GUCY1A1: variants seen among roughly 807,000 people sequenced by gnomAD.
The protein encoded by GUCY1A1 is guanylate cyclase 1 soluble subunit alpha 1, also known as guanylate cyclase soluble subunit alpha-1.
GUCY1A1 carries 48 observed loss-of-function variants against 64.5 expected under a neutral mutation model. That is an observed-to-expected ratio of 0.74 (90% CI 0.59 to 0.95). GUCY1A1 has a LOEUF of 0.95. Ranked by LOEUF, GUCY1A1 falls within the 40% of genes least tolerant of loss-of-function variation. The pLI is 0.00. For missense variants in GUCY1A1, 804 were observed against 825.3 expected, an observed-to-expected ratio of 0.97 and a Z score of 0.32; for synonymous variants, 308 against 303.4, an observed-to-expected ratio of 1.02 and a Z score of -0.16.
chr4:155,687,454 T>TCTGTTA (rs1220680373), intron 2 of GUCY1A1, among the ~76,000 whole-genome samples: 1 of 152,180 alleles, frequency 6.6e-6, no homozygotes, highest in Middle Eastern at 3.2e-3. Flanking sequence ...TTAATTTGAA[T>TCTGTTA]CTGTTACATC....
intron 4 of GUCY1A1, 105 bp from the exon 5 acceptor site, chr4:155,708,131 C>G (rs1379781485): frequency 4.7e-6 from 3 of 637,792 alleles, no homozygotes; most frequent in Non-Finnish European, 8.4e-6. Context: ...GCCGCTGTGC[C>G]TGGCCTAATT....
chr4:155,704,255 T>C (rs1263516790), intron 4 of GUCY1A1, among the ~76,000 whole-genome samples: 1 of 152,242 alleles, frequency 6.6e-6, no homozygotes, highest in Non-Finnish European at 1.5e-5. Flanking sequence ...GGTTCGAGCC[T>C]GGGTTTTTCA....
chr4:155,709,989 G>C (rs1469050946), intron 5 of GUCY1A1, among the ~76,000 whole-genome samples: 4 of 152,164 alleles, frequency 2.6e-5, no homozygotes, highest in Non-Finnish European at 5.9e-5. Context: ...GCTATAGAAA[G>C]TAAATTATAT....
intron 6 of GUCY1A1, among the ~76,000 whole-genome samples, chr4:155,711,638 T>C (rs1477654413): frequency 6.6e-6 from 1 of 152,226 alleles, no homozygotes; most frequent in Admixed American, 6.5e-5. Context: ...AAATGGATTT[T>C]TAATCAACAT....
chr4:155,720,376 T>TATCTATCTATC (rs1304616512), intron 8 of GUCY1A1, among the ~76,000 whole-genome samples: 2 of 143,724 alleles, frequency 1.4e-5, no homozygotes, highest in East Asian at 4.1e-4. Context: ...TCTATCTATC[T>TATCTATCTATC]ATCACTTGCT....
At chr4:155,715,665 T>C (rs1359959994) in intron 7 of GUCY1A1, among the ~76,000 whole-genome samples, 1 of 152,186 alleles carries the variant, frequency 6.6e-6, no homozygotes, top group East Asian at 1.9e-4. Flanking sequence ...CTTCTTCTAA[T>C]TAGCCTATTT....
chr4:155,722,238 T>C, intron 9 of GUCY1A1, 46 bp downstream of exon 9: 1 of 1,585,534 alleles, frequency 6.3e-7, no homozygotes. Flanking sequence ...TTTATTTATA[T>C]ACAATTGCCA....
intron 2 of GUCY1A1, among the ~76,000 whole-genome samples, chr4:155,694,674 T>C (rs945703628): frequency 6.6e-6 from 1 of 152,160 alleles, no homozygotes; most frequent in African/African-American, 2.4e-5. Context: ...ACTGCAATGG[T>C]AGGGTTGAAT....
rs116657965 is a variant in GUCY1A1, at chr4:155,692,731, C to A, written c.-112-4025C>A. ...TGATATTGTTACATGTCTACATGAT[C>A]TTGTTACATGTAGTAAACAAGATGT... On this transcript the variant is annotated intron_variant, in intron 2 of 9. Coordinates refer to ENST00000506455, the MANE Select transcript of GUCY1A1 (RefSeq NM_001130682.3). Among the ~76,000 whole-genome samples, 1,366 of 152,260 alleles carry A rather than the reference C, an allele frequency of 9.0e-3. 18 individuals carry two copies. The highest frequency in any genetic ancestry group is 0.031 in the African/African-American group (1,281 of 41,550).
rs1168271357 is a variant in GUCY1A1 at position 155,732,437 on chromosome 4, C to T, written c.*2206C>T. On this transcript the variant is annotated 3_prime_UTR_variant, in exon 10 of 10. Coordinates refer to ENST00000506455, the MANE Select transcript of GUCY1A1 (RefSeq NM_001130682.3). ...AAATACAGAATAATTTGTGGATCTTCAAAGAGGATGAACATACATTTCCAT... is the reference window on the plus strand; with the variant it reads ...AAATACAGAATAATTTGTGGATCTTTAAAGAGGATGAACATACATTTCCAT... The T allele has an allele frequency of 7.0e-6, 1 of 142,032 alleles. No homozygotes were observed. The highest frequency in any genetic ancestry group is 1.6e-5 in the Non-Finnish European group (1 of 60,844). The allele number at this position is 142,032 out of a possible 1,614,324, so 8.8% of individuals were successfully genotyped here.
At chr4:155,690,985 A>T (rs890029709) in intron 2 of GUCY1A1, among the ~76,000 whole-genome samples, 1 of 152,230 alleles carries the variant, frequency 6.6e-6, no homozygotes, top group Non-Finnish European at 1.5e-5. Flanking sequence ...CAGTAATACC[A>T]AAGAATCTAT....
At chr4:155,694,414 A>T (rs1297529485) in intron 2 of GUCY1A1, among the ~76,000 whole-genome samples, 1 of 151,974 alleles carries the variant, frequency 6.6e-6, no homozygotes, top group Non-Finnish European at 1.5e-5. Context: ...AAGCTCCCCA[A>T]CCCCAACCAA....
At chr4:155,706,151 A>G (rs975468172) in intron 4 of GUCY1A1, among the ~76,000 whole-genome samples, 1 of 152,170 alleles carries the variant, frequency 6.6e-6, no homozygotes, top group Admixed American at 6.5e-5. Context: ...GAAATTTTGA[A>G]ATTTTTGTTT....
At chr4:155,672,101 C>T (rs1209131638) in intron 2 of GUCY1A1, among the ~76,000 whole-genome samples, 1 of 151,390 alleles carries the variant, frequency 6.6e-6, no homozygotes, top group East Asian at 2.0e-4. Context: ...TTTTCCCCAT[C>T]GAATTTTATG....
chr4:155,734,525 A>T lies in GUCY1A1; in HGVS notation c.*4294A>T, dbSNP rs982567412. ...CTGAACAGTAAAACATGGATCATTTATTTCACCTCATTTTGCACTTCAATG... is the reference window on the plus strand; with the variant it reads ...CTGAACAGTAAAACATGGATCATTTTTTTCACCTCATTTTGCACTTCAATG... On this transcript the variant is annotated 3_prime_UTR_variant, in exon 10 of 10. Coordinates refer to ENST00000506455, the MANE Select transcript of GUCY1A1 (RefSeq NM_001130682.3). 9.2e-5 allele frequency: 14 copies of T among 151,868 alleles called. No homozygotes were observed. Among genetic ancestry groups the T allele is most frequent in the African/African-American group, 3.4e-4 (14 of 41,380 alleles). 9.4% of individuals were successfully genotyped at this position (151,868 alleles called of 1,614,324 possible).
chr4:155,693,068 A>C (rs528061381), intron 2 of GUCY1A1, among the ~76,000 whole-genome samples: 22 of 152,250 alleles, frequency 1.4e-4, no homozygotes, highest in African/African-American at 3.1e-4. Context: ...CCAACAAAAA[A>C]AAAAAAAGTT....
intron 2 of GUCY1A1, among the ~76,000 whole-genome samples, chr4:155,677,421 C>T (rs1036300607): frequency 2.3e-4 from 35 of 152,320 alleles, no homozygotes; most frequent in African/African-American, 7.7e-4. Context: ...TCATGACTAT[C>T]ACCACTGATC....
chr4:155,699,551 G>C (rs1293729686), intron 3 of GUCY1A1, among the ~76,000 whole-genome samples: 2 of 152,082 alleles, frequency 1.3e-5, no homozygotes, highest in Non-Finnish European at 2.9e-5. Context: ...AGGTATGTTT[G>C]GCATTAGTAA....
At chr4:155,669,994 G>A (rs541045848) in intron 2 of GUCY1A1, among the ~76,000 whole-genome samples, 1 of 152,208 alleles carries the variant, frequency 6.6e-6, no homozygotes, top group African/African-American at 2.4e-5. Context: ...ATCTCTACAA[G>A]TAAGGGGAAA....
Sources: allele counts gnomAD v4.1 joint callset (sites outside exome capture counted in the v4.1 genomes callset), GRCh38; gene constraint gnomAD v4.1.1; transcripts MANE v1.5; gene names NCBI Gene and HGNC (gene_info 2026-07-23, HGNC 2026-07-21).